The following PP2D1 variants were observed in gnomAD, a reference collection of about 807,000 sequenced individuals.
PP2D1 encodes the protein protein phosphatase 2C like domain containing 1.
In PP2D1, 25 loss-of-function variants were observed where a neutral mutation model predicts 30.2. The ratio of observed to expected loss-of-function variants is 0.83; its 90% CI spans 0.60 to 1.16. The LOEUF is 1.16. Among genes scored for constraint, PP2D1 ranks in the 50% most tolerant of loss-of-function variants. PP2D1 has a pLI of 0.00. For synonymous variants in PP2D1, 260 were observed against 258.9 expected (o/e 1.00, Z -0.04); for missense variants, 760 against 742.4 (o/e 1.02, Z -0.28).
At chr3:20,011,563 C>T (rs2125149686) in intron 1 of PP2D1, among the ~76,000 whole-genome samples, 2 of 152,182 alleles carry the variant, frequency 1.3e-5, no homozygotes, top group Admixed American at 1.3e-4. Flanking sequence ...CTTTGGGAGG[C>T]TGAGGCGGGC....
Position 20,001,993 on chromosome 3 carries a change from A to C in PP2D1, c.127T>G (p.Ser43Ala), listed in dbSNP as rs1316028237. 1 of 1,535,906 alleles carries C rather than the reference A, an allele frequency of 6.5e-7. No individual in the cohort carries two copies. Among genetic ancestry groups the C allele is most frequent in the Non-Finnish European group, 8.7e-7 (1 of 1,146,812 alleles). The stretch of plus-strand genomic sequence containing the variant: ...CGTTTGGTGTGTCTCACTGGTCTTG[A>C]CTTTTTCTTTCTAAAACGTTTTCTT... The part of the protein sequence containing the change: ...PKRKRFRKKK[S>A]RPVRHTKRHE... Residue 43 changes from serine (S) to alanine (A), a missense_variant, in exon 2 of 3, where the codon TCA (serine) becomes GCA (alanine). Around this residue, in one of 3 missense-constraint regions of PP2D1, gnomAD observed 374 missense variants for 388.8 expected, o/e 0.96. Transcript: ENST00000389050.
At chr3:19,988,528 A>G (rs1697073000) in intron 2 of PP2D1, among the ~76,000 whole-genome samples, 1 of 152,138 alleles carries the variant, frequency 6.6e-6, no homozygotes, top group South Asian at 2.1e-4. Context: ...TTTTAATTTC[A>G]CCCAGGTCCT....
At chr3:20,003,084 C>A (rs929525133) in intron 1 of PP2D1, among the ~76,000 whole-genome samples, 10 of 151,470 alleles carry the variant, frequency 6.6e-5, no homozygotes, top group Non-Finnish European at 1.3e-4. Context: ...ATAGCAAATA[C>A]AAGTATGTAC....
At chr3:19,998,103 G>C (rs1364802468) in intron 2 of PP2D1, among the ~76,000 whole-genome samples, 1 of 152,200 alleles carries the variant, frequency 6.6e-6, no homozygotes, top group Non-Finnish European at 1.5e-5. Context: ...GCAGAGGAGG[G>C]TGGGTCACCT....
downstream of PP2D1, among the ~76,000 whole-genome samples, chr3:19,982,370 TGTGA>T (rs1220950155): frequency 6.6e-6 from 1 of 152,214 alleles, no homozygotes; most frequent in Non-Finnish European, 1.5e-5. Flanking sequence ...TATGTTTGTG[TGTGA>T]GTATGTTTCC....
At chr3:20,011,027 C>A (rs1697379392) in intron 1 of PP2D1, among the ~76,000 whole-genome samples, 1 of 152,030 alleles carries the variant, frequency 6.6e-6, no homozygotes, top group South Asian at 2.1e-4. Context: ...TTGTGCCCAA[C>A]CGGGAACCTA....
chr3:19,991,578 A>T (rs1697120306), intron 2 of PP2D1, among the ~76,000 whole-genome samples: 1 of 152,196 alleles, frequency 6.6e-6, no homozygotes, highest in African/African-American at 2.4e-5. Flanking sequence ...TTTGGTGTAG[A>T]AAAACAGTAT....
intron 2 of PP2D1, among the ~76,000 whole-genome samples, chr3:19,993,360 G>A (rs940357441): frequency 6.6e-6 from 1 of 152,050 alleles, no homozygotes; most frequent in African/African-American, 2.4e-5. Context: ...TACTCAAGAC[G>A]AATAATGACT....
At chr3:20,000,259 TAGATATCAAAGTTATTG>T (rs1697234729) in intron 2 of PP2D1, among the ~76,000 whole-genome samples, 1 of 152,182 alleles carries the variant, frequency 6.6e-6, no homozygotes, top group Non-Finnish European at 1.5e-5. Flanking sequence ...TAGATATCAC[TAGATATCAAAGTTATTG>T]TAAGACTAGA....
intron 2 of PP2D1, among the ~76,000 whole-genome samples, chr3:19,988,384 C>G (rs1399792070): frequency 6.6e-6 from 1 of 152,186 alleles, no homozygotes; most frequent in Non-Finnish European, 1.5e-5. Context: ...GCCCCAGTCT[C>G]CTGTAGCACC....
Position 19,985,734 on chromosome 3 carries a change from T to C in PP2D1, c.1539A>G (p.Val513=), listed in dbSNP as rs1268261773. ...CAGATACAGATTTATACTGAAACAA[T>C]ACGTGGATATTACTCTGTGATTTAG... ...NLTKSQSNIH[V]LFQYKSVSEV... Residue 513 remains valine (V), a synonymous_variant, in exon 3 of 3, where the codon GTA becomes GTG. Transcript: ENST00000389050. 1.3e-6 allele frequency: 2 copies of C among 1,535,870 alleles called. No homozygotes were observed. The highest frequency in any genetic ancestry group is 2.7e-5 in the African/African-American group (2 of 73,050).
At chr3:19,983,671 A>G (rs760655753), downstream of PP2D1, 29 of 1,335,866 alleles carry the variant, frequency 2.2e-5, no homozygotes, top group South Asian at 1.4e-4. Flanking sequence ...TAATATGAGT[A>G]TTCAAATATT....
In PP2D1 at chr3:20,001,761, G is replaced by A. The variant is rs917377060; in HGVS notation, c.359C>T (p.Ser120Phe). The change falls in exon 2 of 3, where the codon TCT (serine) becomes TTT (phenylalanine). Residue 120 changes from serine (S) to phenylalanine (F), a missense_variant. Physicochemically the swap from Ser to Phe is radical, Grantham distance 155. Coordinates refer to ENST00000389050, the MANE Select transcript of PP2D1 (RefSeq NM_001252657.2). ...RQFMISKLLS[S>F]FMFTEKTLQS... ...TAGGGTTTTTTCAGTGAACATAAAA[G>A]ATGACAATAGTTTAGAAATCATGAA... 8 of 1,532,642 alleles carry A rather than the reference G, an allele frequency of 5.2e-6. No individual in the cohort carries two copies. Among genetic ancestry groups the A allele is most frequent in the Non-Finnish European group, 6.1e-6 (7 of 1,145,662 alleles). 94.9% of individuals were successfully genotyped at this position (1,532,642 alleles called of 1,614,324 possible). A position where few individuals can be genotyped will look rare whatever the true frequency, so the allele number is the denominator to read the frequency against.
downstream of PP2D1, among the ~76,000 whole-genome samples, chr3:19,981,795 G>C (rs553762938): frequency 4.1e-4 from 63 of 152,096 alleles, no homozygotes; most frequent in Non-Finnish European, 6.3e-4. Context: ...AGCCGTAACT[G>C]CTGGTTGAGA....
rs1391680249 is a variant in PP2D1 at position 20,001,196 on chromosome 3, T to C, written c.924A>G (p.Gln308=). 1.3e-6 allele frequency: 2 copies of C among 1,528,116 alleles called. No individual in the cohort carries two copies. The highest frequency in any genetic ancestry group is 1.2e-5 in the South Asian group (1 of 83,084). 94.7% of individuals were successfully genotyped at this position (1,528,116 alleles called of 1,614,324 possible). The part of the protein sequence containing the change: ...GLGRKEVSRV[Q]WSGCSAVTCI... Reference sequence around the variant, plus strand: ...AAGTAACTGCAGAGCAGCCACTCCATTGAACCCTGGACACTTCTTTTCTTC... The same window carrying C: ...AAGTAACTGCAGAGCAGCCACTCCACTGAACCCTGGACACTTCTTTTCTTC... The change falls in exon 2 of 3, where the codon CAA becomes CAG. Residue 308 remains glutamine, a synonymous_variant. Transcript: ENST00000389050.
chr3:19,990,460 T>G (rs1342835361), intron 2 of PP2D1, among the ~76,000 whole-genome samples: 1 of 152,136 alleles, frequency 6.6e-6, no homozygotes, highest in African/African-American at 2.4e-5. Flanking sequence ...GCACATTGTT[T>G]ACCTGTATGA....
At position 20,001,520 on chromosome 3, in the gene PP2D1, AT is replaced by A. The variant is rs1697252544; in HGVS notation, c.599del (p.Asn200MetfsTer19). 2.0e-6 allele frequency: 3 copies of A among 1,536,132 alleles called. No homozygotes were observed. The highest frequency in any genetic ancestry group is 2.4e-5 in the South Asian group (2 of 84,060). ...CATCAAACAAACCAAAAAAACACAC[AT>A]TAGGTTTGTTACCAAAATTACTCAC... ...TVVSNFGNKP[N>X]VCFFGLFDGH... On this transcript the variant is annotated frameshift_variant, in exon 2 of 3. Coordinates refer to ENST00000389050, the MANE Select transcript of PP2D1 (RefSeq NM_001252657.2). LOFTEE classifies it high-confidence loss of function.
chr3:20,008,013 T>G (rs1421177867), intron 1 of PP2D1: 1 of 195,514 alleles, frequency 5.1e-6, no homozygotes, highest in Non-Finnish European at 1.2e-5. Context: ...AATTGAAATG[T>G]GTGCCCTTCT....
downstream of PP2D1, chr3:19,985,266 T>A: frequency 1.3e-6 from 1 of 746,016 alleles, no homozygotes; most frequent in Non-Finnish European, 2.1e-6. Flanking sequence ...TTTTATATTT[T>A]CTTTACTATG....
Sources: allele counts gnomAD v4.1 joint callset (sites outside exome capture counted in the v4.1 genomes callset), GRCh38; gene constraint gnomAD v4.1.1; regional missense constraint gnomAD v4.1.1; transcripts MANE v1.5; gene names NCBI Gene and HGNC (gene_info 2026-07-23, HGNC 2026-07-21).